TENM3: variants seen among roughly 807,000 people sequenced by gnomAD.
The protein encoded by TENM3 is teneurin transmembrane protein 3, also known as teneurin-3.
A neutral mutation model predicts 255.1 loss-of-function variants in TENM3; 63 were observed. The ratio of observed to expected loss-of-function variants is 0.25; its 90% confidence interval spans 0.20 to 0.30. TENM3 has a LOEUF of 0.30. Among genes scored for constraint, TENM3 ranks in the 10% least tolerant of loss-of-function variants. The probability of loss-of-function intolerance (pLI) is 1.00; values close to 1 mark genes in which losing one functional copy is unlikely to be tolerated. For synonymous variants in TENM3, 1,306 were observed against 1,322.3 expected (o/e 0.99, Z 0.27); for missense variants, 2,929 against 3,461.1 (o/e 0.85, Z 3.86).
chr4:181,954,909 A>G, the TENM3 span, among the ~76,000 whole-genome samples: 2 of 152,222 alleles, frequency 1.3e-5, no homozygotes, highest in Non-Finnish European at 2.9e-5. Flanking sequence ...CATGAGATAC[A>G]TTCGTTCATA....
In TENM3 at chr4:182,579,424, T is replaced by C. The variant is rs1343385724; in HGVS notation, c.512-21500T>C. 6.6e-5 allele frequency among the ~76,000 whole-genome samples: 10 copies of C among 152,298 alleles called. No individual in the cohort carries two copies. In the East Asian group the frequency reaches 1.9e-3, roughly 29 times the overall value. On this transcript the variant is annotated intron_variant, in intron 3 of 27. Coordinates refer to ENST00000511685, the MANE Select transcript of TENM3 (RefSeq NM_001080477.4). The stretch of plus-strand genomic sequence containing the variant: ...AATAAGCTAACAAGAAAATTGTTGA[T>C]TTGGATCAAAGAATCAAAGAGCAAG...
chr4:181,952,115 T>C, the TENM3 span, among the ~76,000 whole-genome samples: 1 of 152,222 alleles, frequency 6.6e-6, no homozygotes, highest in South Asian at 2.1e-4. Context: ...GCTTTTAAAC[T>C]CATAAAAGTA....
At chr4:182,741,815 G>A (rs1352391654) in intron 18 of TENM3, among the ~76,000 whole-genome samples, 1 of 152,110 alleles carries the variant, frequency 6.6e-6, no homozygotes, top group Non-Finnish European at 1.5e-5. Context: ...CACCCAAATA[G>A]CAAAGCATTA....
intron 1 of TENM3, among the ~76,000 whole-genome samples, chr4:182,212,565 C>A (rs1755125475): frequency 6.6e-6 from 1 of 151,998 alleles, no homozygotes. Context: ...ACATGTTGTT[C>A]ACCCACTTAG....
chr4:181,643,687 G>T, the TENM3 span, among the ~76,000 whole-genome samples: 1 of 152,152 alleles, frequency 6.6e-6, no homozygotes, highest in Non-Finnish European at 1.5e-5. Context: ...TACAACATTA[G>T]TAAGATAAAG....
chr4:181,794,556 C>T, the TENM3 span, among the ~76,000 whole-genome samples: 2 of 151,836 alleles, frequency 1.3e-5, no homozygotes, highest in Admixed American at 6.6e-5. Context: ...TTTTCTTTGC[C>T]TGGCTTATTT....
chr4:182,517,399 T>TTA (rs1553970531), intron 3 of TENM3, among the ~76,000 whole-genome samples: 3 of 127,648 alleles, frequency 2.4e-5, no homozygotes, highest in African/African-American at 6.0e-5. Context: ...TTTTTTTTTT[T>TTA]TTGAGACGGA....
chr4:182,056,539 T>C, the TENM3 span, among the ~76,000 whole-genome samples: 2 of 152,184 alleles, frequency 1.3e-5, no homozygotes, highest in African/African-American at 4.8e-5. Context: ...TTTTGCATTT[T>C]ACACAGGATA....
the TENM3 span, among the ~76,000 whole-genome samples, chr4:181,904,035 G>A: frequency 1.3e-5 from 2 of 152,060 alleles, no homozygotes; most frequent in African/African-American, 4.8e-5. Flanking sequence ...ATCTCCTCTT[G>A]GATGTTCTTT....
chr4:182,152,615 A>T (rs571185920), intron 1 of TENM3, among the ~76,000 whole-genome samples: 2 of 152,040 alleles, frequency 1.3e-5, no homozygotes, highest in East Asian at 3.9e-4. Flanking sequence ...AATAAACAAT[A>T]TTGATATGTT....
chr4:182,799,287 G>T lies in TENM3; in HGVS notation c.7345-309G>T, dbSNP rs1263887157. ...GGTTCCCCACGTGGGGTGGGAGTGG[G>T]AAAAGAGCATCTAGAAACTGTAAGA... On this transcript the variant is annotated intron_variant, in intron 27 of 27. Transcript: ENST00000511685. This position sits in a 1 kb window ranked among gnomAD's most constrained non-coding sequence, Gnocchi z 4.2. Among the ~76,000 whole-genome samples the T allele has an allele frequency of 6.6e-6, 1 of 152,232 alleles. No individual in the cohort carries two copies. Among genetic ancestry groups the T allele is most frequent in the East Asian group, 1.9e-4 (1 of 5,200 alleles).
the TENM3 span, among the ~76,000 whole-genome samples, chr4:181,552,040 G>A: frequency 6.6e-6 from 1 of 151,676 alleles, no homozygotes; most frequent in Non-Finnish European, 1.5e-5. Context: ...GGAGGTGAGA[G>A]AGACAGAGAG....
At chr4:181,545,117 T>A in the TENM3 span, among the ~76,000 whole-genome samples, 1 of 152,228 alleles carries the variant, frequency 6.6e-6, no homozygotes, top group Non-Finnish European at 1.5e-5. Context: ...ATACATTGAA[T>A]GATTTTGAAG....
At chr4:182,571,204 C>G (rs1252333835) in intron 3 of TENM3, among the ~76,000 whole-genome samples, 1 of 152,034 alleles carries the variant, frequency 6.6e-6, no homozygotes, top group Non-Finnish European at 1.5e-5. Context: ...GAGGACATGC[C>G]CTGTTCATGT....
intron 1 of TENM3, among the ~76,000 whole-genome samples, chr4:182,320,672 G>T (rs1258369655): frequency 6.6e-6 from 1 of 152,162 alleles, no homozygotes; most frequent in East Asian, 1.9e-4. Context: ...TTTCAGTTAA[G>T]ATTTATCTTT....
the TENM3 span, among the ~76,000 whole-genome samples, chr4:181,955,579 G>A: frequency 6.6e-6 from 1 of 152,276 alleles, no homozygotes; most frequent in Non-Finnish European, 1.5e-5. Context: ...ATAAAAGGAT[G>A]GTCTGATGGC....
intron 1 of TENM3, among the ~76,000 whole-genome samples, chr4:182,168,844 T>A (rs1004748869): frequency 6.6e-6 from 1 of 152,198 alleles, no homozygotes; most frequent in Non-Finnish European, 1.5e-5. Context: ...TCATTTATGT[T>A]GGCCATTTTT....
the TENM3 span, among the ~76,000 whole-genome samples, chr4:182,122,143 A>G: frequency 6.6e-6 from 1 of 152,128 alleles, no homozygotes; most frequent in Non-Finnish European, 1.5e-5. Flanking sequence ...TTCAGCCTCC[A>G]CTTCTATTTC....
At chr4:182,619,702 G>A (rs1027340956) in intron 4 of TENM3, among the ~76,000 whole-genome samples, 1 of 152,170 alleles carries the variant, frequency 6.6e-6, no homozygotes, top group Non-Finnish European at 1.5e-5. Context: ...AACTGTTAGT[G>A]TTCGGTGACC....
Sources: gnomAD v4.1 joint callset for allele counts (sites outside exome capture counted in the v4.1 genomes callset) on GRCh38, gnomAD v4.1.1 for gene constraint, Gnocchi (gnomAD v3.1) non-coding constraint, MANE v1.5 for transcripts, NCBI Gene and HGNC (gene_info 2026-07-23, HGNC 2026-07-21) for gene names.